The following JAKMIP1 variants were observed in gnomAD, a reference collection of about 807,000 sequenced individuals.
JAKMIP1 encodes janus kinase and microtubule interacting protein 1, also known as janus kinase and microtubule-interacting protein 1.
A neutral mutation model predicts 113.0 loss-of-function variants in JAKMIP1; 33 were observed. The observed-to-expected ratio is 0.29, with a 90% CI of 0.22 to 0.39. JAKMIP1 has a LOEUF of 0.39. Among genes scored for constraint, JAKMIP1 ranks in the 10% least tolerant of loss-of-function variants. JAKMIP1 has a pLI of 1.00. For synonymous variants in JAKMIP1, 480 were observed against 459.9 expected, an observed-to-expected ratio of 1.04 and a Z score of -0.56; for missense variants, 813 against 1,080.5, an observed-to-expected ratio of 0.75 and a Z score of 3.47.
At position 6,061,405 on chromosome 4, in the gene JAKMIP1, C is replaced by T. The variant is rs867449153; in HGVS notation, c.1561-898G>A. On this transcript the variant is annotated intron_variant, in intron 10 of 20. Transcript: ENST00000409021. This position sits in a 1 kb window ranked among gnomAD's most constrained non-coding sequence, Gnocchi z 5.3. ...ACTGCTGCCCCTGGAACAAACTCCA[C>T]GTGGGCGTGGCCTCTCCTCTCTGCC... 2.2e-4 allele frequency among the ~76,000 whole-genome samples: 33 copies of T among 152,258 alleles called. No individual in the cohort carries two copies. Among genetic ancestry groups the T allele is most frequent in the Middle Eastern group, 6.8e-3 (2 of 294 alleles).
chr4:6,042,549 A>G lies in JAKMIP1; in HGVS notation c.2029-322T>C, dbSNP rs561358552. Among the ~76,000 whole-genome samples, 10 of 152,126 alleles carry G rather than the reference A, an allele frequency of 6.6e-5. No homozygotes were observed. The highest frequency in any genetic ancestry group is 2.4e-4 in the African/African-American group (10 of 41,504). On this transcript the variant is annotated intron_variant, in intron 16 of 20. Transcript: ENST00000409021. This position sits in a 1 kb window ranked among gnomAD's most constrained non-coding sequence, Gnocchi z 5.2. ...AAGTGGTGTGGTATAGCTGATGTCA[A>G]TGAGTGCCTGCTCTGTGCTGATGCT...
chr4:6,160,799 G>A (rs1057212201), intron 1 of JAKMIP1, among the ~76,000 whole-genome samples: 19 of 151,842 alleles, frequency 1.3e-4, no homozygotes, highest in Non-Finnish European at 1.9e-4. Flanking sequence ...TTCAGCTCCC[G>A]CACCTCCACT....
intron 1 of JAKMIP1, among the ~76,000 whole-genome samples, chr4:6,170,182 C>T (rs1318532196): frequency 6.7e-6 from 1 of 150,304 alleles, no homozygotes; most frequent in African/African-American, 2.5e-5. Flanking sequence ...TCACCACCTC[C>T]ATCACCATCA....
intron 5 of JAKMIP1, among the ~76,000 whole-genome samples, chr4:6,083,433 C>A (rs1014355926): frequency 1.3e-5 from 2 of 151,526 alleles, no homozygotes; most frequent in Non-Finnish European, 2.9e-5. Flanking sequence ...GAAGCGTTGG[C>A]AAACTTATTA....
chr4:6,119,512 C>G (rs1004272364), intron 1 of JAKMIP1, among the ~76,000 whole-genome samples: 1 of 152,114 alleles, frequency 6.6e-6, no homozygotes, highest in African/African-American at 2.4e-5. Flanking sequence ...CCATTGCACT[C>G]CAGCCTGGAC....
chr4:6,084,445 A>C (rs1419317367), intron 5 of JAKMIP1, among the ~76,000 whole-genome samples: 1 of 152,180 alleles, frequency 6.6e-6, no homozygotes, highest in Non-Finnish European at 1.5e-5. Flanking sequence ...GAGGGTCTCC[A>C]TCATCAATCT....
At chr4:6,058,352 C>T (rs1295039365) in intron 11 of JAKMIP1, among the ~76,000 whole-genome samples, 1 of 152,192 alleles carries the variant, frequency 6.6e-6, no homozygotes, top group Non-Finnish European at 1.5e-5. Context: ...TTTGTTAAGC[C>T]CCTCCTATGT....
Position 6,187,664 on chromosome 4 carries a change from T to C in JAKMIP1, c.-148+12589A>G, listed in dbSNP as rs1233095041. ...ACTGAATCTGCCGGTACCTTGATCT[T>C]GGACTTCCCAGCCTCTAGAACTGTG... is the stretch of plus-strand genomic sequence containing the variant. On this transcript the variant is annotated intron_variant, in intron 1 of 20. Coordinates refer to ENST00000409021, the MANE Select transcript of JAKMIP1 (RefSeq NM_001099433.2). This position sits in a 1 kb window ranked among gnomAD's most constrained non-coding sequence, Gnocchi z 4.2. Among the ~76,000 whole-genome samples, 1 of 152,278 alleles carries C rather than the reference T, an allele frequency of 6.6e-6. No individual in the cohort carries two copies. Among genetic ancestry groups the C allele is most frequent in the Non-Finnish European group, 1.5e-5 (1 of 68,048 alleles).
At chr4:6,027,259 C>T (rs74663433) in intron 20 of JAKMIP1, among the ~76,000 whole-genome samples, 2 of 152,078 alleles carry the variant, frequency 1.3e-5, no homozygotes, top group Non-Finnish European at 2.9e-5. Context: ...TCTTCTCCCC[C>T]CCAAAACAAG....
Position 6,076,084 on chromosome 4 carries a change from G to A in JAKMIP1, c.1302+2855C>T, listed in dbSNP as rs1578164695. Among the ~76,000 whole-genome samples, 1 of 152,180 alleles carries A rather than the reference G, an allele frequency of 6.6e-6. No homozygotes were observed. Among genetic ancestry groups the A allele is most frequent in the Non-Finnish European group, 1.5e-5 (1 of 68,030 alleles). ...TCGGCTACTTGGGAGGCTGAGGCAG[G>A]AGAATCGCTTGAACCTGGGAGGCAG... On this transcript the variant is annotated intron_variant, in intron 8 of 20. Transcript: ENST00000409021. This position sits in a 1 kb window ranked among gnomAD's most constrained non-coding sequence, Gnocchi z 4.8.
At chr4:6,073,035 G>A (rs749996546) in intron 8 of JAKMIP1, among the ~76,000 whole-genome samples, 6 of 147,006 alleles carry the variant, frequency 4.1e-5, no homozygotes, top group South Asian at 2.1e-4. Flanking sequence ...GCTCCATCAC[G>A]CCACTACACT....
At position 6,076,281 on chromosome 4, in the gene JAKMIP1, T is replaced by C. The variant is rs1719684293; in HGVS notation, c.1302+2658A>G. Reference sequence around the variant, plus strand: ...CCTATTTCTGAGTTTCTAATGTCAATGTGCAGAAATTTGCCCCGTGTTCGA... The same window carrying C: ...CCTATTTCTGAGTTTCTAATGTCAACGTGCAGAAATTTGCCCCGTGTTCGA... On this transcript the variant is annotated intron_variant, in intron 8 of 20. Transcript: ENST00000409021. The surrounding 1 kb of genome is among the most constrained non-coding windows in gnomAD (Gnocchi z 4.8). 6.6e-6 allele frequency among the ~76,000 whole-genome samples: 1 copy of C among 152,228 alleles called. No individual in the cohort carries two copies. Among genetic ancestry groups the C allele is most frequent in the South Asian group, 2.1e-4 (1 of 4,832 alleles).
intron 16 of JAKMIP1, among the ~76,000 whole-genome samples, chr4:6,045,792 C>A (rs1215727739): frequency 5.3e-5 from 8 of 152,132 alleles, no homozygotes; most frequent in African/African-American, 1.7e-4. Context: ...ATCACTTGAA[C>A]CTGGGAGGTG....
At chr4:6,063,637 G>T (rs1034336986) in intron 9 of JAKMIP1, among the ~76,000 whole-genome samples, 2 of 152,214 alleles carry the variant, frequency 1.3e-5, no homozygotes, top group African/African-American at 4.8e-5. Context: ...TTTGGCACAA[G>T]ATGGAAGAGC....
Position 6,167,221 on chromosome 4 carries a change from T to C in JAKMIP1, c.-148+33032A>G, listed in dbSNP as rs4689354. 0.01 allele frequency among the ~76,000 whole-genome samples: 1,596 copies of C among 152,142 alleles called. 46 individuals are homozygous for C. Among genetic ancestry groups the C allele is most frequent in the Admixed American group, 0.074 (1,138 of 15,304 alleles). The stretch of plus-strand genomic sequence containing the variant: ...CTCATCCAGACCCAGGGCCTGTGAG[T>C]CCACTTGGAGCACTCCCTCCCTCCC... On this transcript the variant is annotated intron_variant, in intron 1 of 20. Transcript: ENST00000409021. This position sits in a 1 kb window ranked among gnomAD's most constrained non-coding sequence, Gnocchi z 5.3.
rs79168372 is a variant in JAKMIP1, at chr4:6,187,432, C to T, written c.-148+12821G>A. 0.048 allele frequency among the ~76,000 whole-genome samples: 7,313 copies of T among 152,228 alleles called. 222 individuals are homozygous for T. The highest frequency in any genetic ancestry group is 0.09 in the African/African-American group (3,736 of 41,536). ...GTGCTATGATCTGAATGTTTATGTA[C>T]CCCCAGAATTCATATGTTTCTAGTC... On this transcript the variant is annotated intron_variant, in intron 1 of 20. Coordinates refer to ENST00000409021, the MANE Select transcript of JAKMIP1 (RefSeq NM_001099433.2). This position sits in a 1 kb window ranked among gnomAD's most constrained non-coding sequence, Gnocchi z 4.2.
At chr4:6,146,730 T>C (rs1040239134) in intron 1 of JAKMIP1, among the ~76,000 whole-genome samples, 2 of 152,214 alleles carry the variant, frequency 1.3e-5, no homozygotes, top group Admixed American at 6.5e-5. Context: ...GTAGGTGATC[T>C]GGCCTGCGGT....
intron 19 of JAKMIP1, among the ~76,000 whole-genome samples, chr4:6,032,505 A>T (rs1437272590): frequency 6.6e-6 from 1 of 152,126 alleles, no homozygotes; most frequent in Non-Finnish European, 1.5e-5. Context: ...GAAAAATGGC[A>T]TCAATGACCT....
At chr4:6,034,755 C>T (rs68081371) in intron 19 of JAKMIP1, among the ~76,000 whole-genome samples, 37,453 of 152,036 alleles carry the variant, frequency 0.25, 7,374 homozygotes, top group African/African-American at 0.55. Flanking sequence ...GAGCTGAGAT[C>T]GTCCCACTAC....
Sources: gnomAD v4.1 joint callset for allele counts (sites outside exome capture counted in the v4.1 genomes callset) on GRCh38, gnomAD v4.1.1 for gene constraint, Gnocchi (gnomAD v3.1) non-coding constraint, MANE v1.5 for transcripts, NCBI Gene and HGNC (gene_info 2026-07-23, HGNC 2026-07-21) for gene names.